WNK2: variants seen among roughly 807,000 people sequenced by gnomAD.
WNK2 encodes WNK lysine deficient protein kinase 2.
Under a neutral mutation model 192.1 loss-of-function variants are expected in WNK2, and 67 were observed. The observed-to-expected ratio is 0.35, with a 90% confidence interval of 0.29 to 0.43. The LOEUF (loss-of-function observed/expected upper bound fraction) is 0.43, where lower values mean the gene tolerates loss of function less well. WNK2 is among the 20% of genes least tolerant of loss of function. WNK2 has a pLI of 1.00. For missense variants in WNK2, 2,698 were observed against 3,089.7 expected (o/e 0.87, Z 3.01); for synonymous variants, 1,439 against 1,393.9 (o/e 1.03, Z -0.72).
rs375388653 is a variant in WNK2 at position 93,262,707 on chromosome 9, A to G, written c.3398A>G (p.Gln1133Arg). 40 of 1,612,338 alleles carry G rather than the reference A, an allele frequency of 2.5e-5. No homozygotes were observed. In the South Asian group the frequency reaches 3.5e-4, roughly 14 times the overall value. Residue 1133 changes from glutamine (Q) to arginine (R), a missense_variant, in exon 14 of 30, where the codon CAG becomes CGG. Transcript: ENST00000427277. ...CAGGACAAGCCGCCCGGCCTCCCGC[A>G]GAGCTGTGAGAGGTAGTGTGGCCCA... The part of the protein sequence containing the change: ...ASQDKPPGLP[Q>R]SCESYGGSDV...
intron 2 of WNK2, among the ~76,000 whole-genome samples, chr9:93,196,308 A>T (rs1831275409): frequency 6.6e-6 from 1 of 152,070 alleles, no homozygotes; most frequent in African/African-American, 2.4e-5. Flanking sequence ...GACAATTCTC[A>T]GCTGTGAGCC....
In WNK2 at chr9:93,259,418, C is replaced by T. The variant is rs780336076; in HGVS notation, c.2870C>T (p.Pro957Leu). 5 of 1,535,866 alleles carry T rather than the reference C, an allele frequency of 3.3e-6. No individual in the cohort carries two copies. In the Admixed American group the frequency reaches 7.4e-5, roughly 23 times the overall value. ...ACACTGCCCCCACAACCCGTGCTGC[C>T]CCCGCAACCCACGCTGCCCCCTCAA... ...QPTLPPQPVL[P>L]PQPTLPPQPV... The change falls in exon 12 of 30, where the codon CCC becomes CTC. Residue 957 changes from proline (P) to leucine (L), a missense_variant. Pro to Leu is a moderately conservative substitution (Grantham distance 98). Transcript: ENST00000427277. The surrounding 1 kb of genome is among the most constrained non-coding windows in gnomAD (Gnocchi z 4.8).
chr9:93,235,092 A>G (rs1839565595), intron 5 of WNK2, 127 bp downstream of exon 5: 1 of 1,187,250 alleles, frequency 8.4e-7, no homozygotes, highest in East Asian at 2.6e-5. Context: ...GCCATTTTGC[A>G]GAGGGGGAAA....
At chr9:93,194,240 G>C (rs1258910843) in intron 2 of WNK2, among the ~76,000 whole-genome samples, 3 of 152,214 alleles carry the variant, frequency 2.0e-5, no homozygotes, top group African/African-American at 7.2e-5. Context: ...AAATGCTTCT[G>C]TTCTGTGAAA....
intron 19 of WNK2, among the ~76,000 whole-genome samples, chr9:93,273,081 C>T (rs1172052009): frequency 6.6e-6 from 1 of 152,122 alleles, no homozygotes; most frequent in Non-Finnish European, 1.5e-5. Flanking sequence ...GCTGGGTTGC[C>T]TGTTTTAATT....
At chr9:93,208,213 C>T (rs1833744700) in intron 2 of WNK2, among the ~76,000 whole-genome samples, 1 of 152,228 alleles carries the variant, frequency 6.6e-6, no homozygotes, top group South Asian at 2.1e-4. Flanking sequence ...TGTTACACCA[C>T]CGTGCTGGAA....
Position 93,308,408 on chromosome 9 carries a change from A to G in WNK2, c.6340A>G (p.Ser2114Gly), listed in dbSNP as rs146271415. The change falls in exon 28 of 30, where the codon AGC becomes GGC. Residue 2114 changes from serine to glycine, a missense_variant. Transcript: ENST00000427277. Reference protein sequence around the residue: ...ALHVQAQVNNSNNKKGTFTDD... With the variant: ...ALHVQAQVNNGNNKKGTFTDD... ...GCACGTCCAGGCGCAGGTGAACAACAGCAACAACAAGAAGGGTACCTTCAC... is the reference window on the plus strand; with the variant it reads ...GCACGTCCAGGCGCAGGTGAACAACGGCAACAACAAGAAGGGTACCTTCAC... 3 of 1,596,918 alleles carry G rather than the reference A, an allele frequency of 1.9e-6. No homozygotes were observed. In the African/African-American group the frequency reaches 4.0e-5, roughly 21 times the overall value.
chr9:93,250,486 C>G (rs757294852), intron 8 of WNK2, among the ~76,000 whole-genome samples: 1 of 152,232 alleles, frequency 6.6e-6, no homozygotes, highest in Non-Finnish European at 1.5e-5. Context: ...GCCTTCTGCA[C>G]CTTGCTCTGG....
At chr9:93,210,003 G>T (rs1427969728) in intron 2 of WNK2, among the ~76,000 whole-genome samples, 2 of 152,170 alleles carry the variant, frequency 1.3e-5, no homozygotes, top group Non-Finnish European at 2.9e-5. Flanking sequence ...GCATTTCCAT[G>T]CTGTGGTGGG....
chr9:93,204,022 T>C (rs1832937450), intron 2 of WNK2, among the ~76,000 whole-genome samples: 1 of 151,892 alleles, frequency 6.6e-6, no homozygotes, highest in Admixed American at 6.6e-5. Context: ...GGAACGGGTG[T>C]CAGGGAAGGC....
intron 2 of WNK2, among the ~76,000 whole-genome samples, chr9:93,202,478 C>T (rs1003088460): frequency 3.3e-5 from 5 of 152,048 alleles, no homozygotes; most frequent in Admixed American, 6.5e-5. Context: ...GTCCCGTGGG[C>T]GGTCAGCCCG....
intron 29 of WNK2, chr9:93,318,681 T>C: frequency 5.4e-6 from 8 of 1,492,348 alleles, no homozygotes; most frequent in Non-Finnish European, 6.3e-6. Context: ...TTCTCCATGA[T>C]TTCCATGGAG....
At chr9:93,263,760 T>C in intron 15 of WNK2, 26 bp downstream of exon 15, 1 of 1,014,694 alleles carries the variant, frequency 9.9e-7, no homozygotes, top group Non-Finnish European at 1.2e-6. Flanking sequence ...GTGGCGGGGG[T>C]GTGGTGGGGG....
intron 26 of WNK2, among the ~76,000 whole-genome samples, chr9:93,300,797 CCCTCCCCACTGGAAGGGCAGG>C (rs1323191979): frequency 6.6e-6 from 1 of 152,178 alleles, no homozygotes; most frequent in African/African-American, 2.4e-5. Flanking sequence ...CCTCCCCAGC[CCCTCCCCACTGGAAGGGCAGG>C]TCTGGTCCCC....
chr9:93,221,522 T>C (rs1836879232), intron 2 of WNK2, among the ~76,000 whole-genome samples: 1 of 152,190 alleles, frequency 6.6e-6, no homozygotes, highest in Non-Finnish European at 1.5e-5. Context: ...CTTCTACATA[T>C]GATTTACAGT....
chr9:93,217,115 C>A (rs1462435540), intron 2 of WNK2, among the ~76,000 whole-genome samples: 1 of 152,024 alleles, frequency 6.6e-6, no homozygotes, highest in African/African-American at 2.4e-5. Flanking sequence ...TGCACCACCA[C>A]GCCTAGCTAA....
intron 23 of WNK2, among the ~76,000 whole-genome samples, 182 bp downstream of exon 23, chr9:93,293,355 T>C (rs992053163): frequency 3.3e-5 from 5 of 150,562 alleles, no homozygotes; most frequent in African/African-American, 1.2e-4. Context: ...AGTCTCGCTC[T>C]GTCACCCAGG....
At chr9:93,303,015 C>T (rs1477778640) in intron 26 of WNK2, among the ~76,000 whole-genome samples, 2 of 152,076 alleles carry the variant, frequency 1.3e-5, no homozygotes, top group Non-Finnish European at 2.9e-5. Context: ...GCTTCCCTGA[C>T]TCAAGCAATC....
At chr9:93,262,619 G>T in intron 13 of WNK2, 51 bp from the exon 14 acceptor site, 1 of 1,598,656 alleles carries the variant, frequency 6.3e-7, no homozygotes, top group Non-Finnish European at 8.6e-7. Context: ...TGCCCACAGG[G>T]AGGCGGGAGT....
Sources: gnomAD v4.1 joint callset for allele counts (sites outside exome capture counted in the v4.1 genomes callset) on GRCh38, gnomAD v4.1.1 for gene constraint, Gnocchi (gnomAD v3.1) non-coding constraint, MANE v1.5 for transcripts, NCBI Gene and HGNC (gene_info 2026-07-23, HGNC 2026-07-21) for gene names.